The following KLHL5 variants were observed in gnomAD, a reference collection of about 807,000 sequenced individuals.
KLHL5 encodes kelch-like protein 5.
KLHL5 carries 48 observed loss-of-function variants against 77.7 expected under a neutral mutation model. The ratio of observed to expected loss-of-function variants is 0.62; its 90% CI spans 0.49 to 0.79. The LOEUF is 0.79. Among genes scored for constraint, KLHL5 ranks in the 30% least tolerant of loss-of-function variants. The pLI is 0.00. For missense variants in KLHL5, 723 were observed against 859.7 expected (o/e 0.84, Z 1.99); for synonymous variants, 260 against 297.0 (o/e 0.88, Z 1.28).
chr4:39,109,519 G>A (rs540216155), intron 8 of KLHL5, among the ~76,000 whole-genome samples: 123 of 151,104 alleles, frequency 8.1e-4, no homozygotes, highest in Non-Finnish European at 1.2e-3. Context: ...GGCTGGTCTC[G>A]AACTCCTGAC....
At position 39,113,061 on chromosome 4, in the gene KLHL5, A is replaced by G. The variant is rs764123782; in HGVS notation, c.1730A>G (p.Lys577Arg). 1 of 1,613,842 alleles carries G rather than the reference A, an allele frequency of 6.2e-7. No homozygotes were observed. Among genetic ancestry groups the G allele is most frequent in the Middle Eastern group, 1.7e-4 (1 of 5,928 alleles). The change falls in exon 9 of 11, where the codon AAA becomes AGA. Residue 577 changes from lysine (K) to arginine (R), a missense_variant. Physicochemically the swap from Lys to Arg is conservative, Grantham distance 26. This residue lies in a region of KLHL5 where 214 missense variants were observed against 237.4 expected (regional missense o/e 0.90). Transcript: ENST00000504108. ...GGTCGTGATGGAAGTTCTTGTCTCA[A>G]ATCAGTAGAATGTTTTGATCCTCAT... ...VGGRDGSSCL[K>R]SVECFDPHTN... is the part of the protein sequence containing the mutation.
At chr4:39,059,409 C>A (rs528179016), upstream of KLHL5, among the ~76,000 whole-genome samples, 71 of 152,096 alleles carry the variant, frequency 4.7e-4, no homozygotes, top group African/African-American at 1.6e-3. Context: ...TAAAGGAAAA[C>A]CAAATGGGAT....
At position 39,062,413 on chromosome 4, in the gene KLHL5, G is replaced by A. The variant is rs180800515; in HGVS notation, c.-240G>A. The A allele has an allele frequency of 2.3e-4, 345 of 1,483,430 alleles. No homozygotes were observed. The highest frequency in any genetic ancestry group is 3.1e-4 in the South Asian group (22 of 71,384). The allele number at this position is 1,483,430 out of a possible 1,614,324, so 91.9% of individuals were successfully genotyped here. On this transcript the variant is annotated 5_prime_UTR_variant, in exon 1 of 11. Transcript: ENST00000504108. ...CTTCAGGATAGGTGGATGAGAGTTTGCTCTGATTGAACGGAATGTTCCACC... is the reference window on the plus strand; with the variant it reads ...CTTCAGGATAGGTGGATGAGAGTTTACTCTGATTGAACGGAATGTTCCACC...
At chr4:39,136,420 A>G in the KLHL5 span, among the ~76,000 whole-genome samples, 1 of 152,182 alleles carries the variant, frequency 6.6e-6, no homozygotes, top group East Asian at 1.9e-4. Flanking sequence ...TCAGCCTCCC[A>G]AAGTGCTGCG....
intron 1 of KLHL5, among the ~76,000 whole-genome samples, chr4:39,070,965 A>G (rs1431671962): frequency 1.3e-5 from 2 of 152,164 alleles, no homozygotes; most frequent in Admixed American, 1.3e-4. Flanking sequence ...TCCAGTAGCA[A>G]TTATACTCCA....
At chr4:39,071,108 C>A (rs1285444748) in intron 1 of KLHL5, among the ~76,000 whole-genome samples, 2 of 151,954 alleles carry the variant, frequency 1.3e-5, no homozygotes, top group Non-Finnish European at 2.9e-5. Flanking sequence ...GTGTCTATAT[C>A]TTTTATAAAT....
intron 1 of KLHL5, among the ~76,000 whole-genome samples, chr4:39,067,033 A>C (rs1195334574): frequency 1.3e-5 from 2 of 152,246 alleles, no homozygotes; most frequent in African/African-American, 4.8e-5. Context: ...AATATGGTGC[A>C]TGGGTTATAG....
chr4:39,137,379 G>T, the KLHL5 span, among the ~76,000 whole-genome samples: 1 of 151,550 alleles, frequency 6.6e-6, no homozygotes, highest in East Asian at 1.9e-4. Flanking sequence ...CTTCACTTTG[G>T]GAGGCCAAAG....
chr4:39,114,270 A>G (rs1199366723), intron 9 of KLHL5, among the ~76,000 whole-genome samples: 1 of 152,170 alleles, frequency 6.6e-6, no homozygotes, highest in African/African-American at 2.4e-5. Context: ...GTGTGATAAC[A>G]TGTTGGAGAA....
At chr4:39,095,920 G>T (rs1038787824) in intron 5 of KLHL5, among the ~76,000 whole-genome samples, 3 of 151,758 alleles carry the variant, frequency 2.0e-5, no homozygotes, top group African/African-American at 7.3e-5. Flanking sequence ...GTCAGCAGAG[G>T]TTTGCATAAA....
At chr4:39,139,456 T>C in the KLHL5 span, among the ~76,000 whole-genome samples, 1 of 152,216 alleles carries the variant, frequency 6.6e-6, no homozygotes, top group South Asian at 2.1e-4. Context: ...TGTATGACAC[T>C]ATAATTATGG....
chr4:39,139,010 G>A, the KLHL5 span, among the ~76,000 whole-genome samples: 1 of 152,116 alleles, frequency 6.6e-6, no homozygotes, highest in African/African-American at 2.4e-5. Context: ...AGCTGGGCGT[G>A]GTGGCTCACG....
At chr4:39,075,872 T>C (rs1290913780) in intron 1 of KLHL5, 93 bp from the exon 2 acceptor site, 4 of 985,852 alleles carry the variant, frequency 4.1e-6, no homozygotes, top group Non-Finnish European at 6.1e-6. Context: ...TGATTTCTTC[T>C]ATTACATTTG....
At chr4:39,068,437 C>CTGTGTGTGTG (rs71192818) in intron 1 of KLHL5, among the ~76,000 whole-genome samples, 11,613 of 147,872 alleles carry the variant, frequency 0.079, 482 homozygotes, top group Non-Finnish European at 0.099. Context: ...CCAGAAAACA[C>CTGTGTGTGTG]TGTGTGTGTG....
In KLHL5 at chr4:39,103,372, T is replaced by A. The variant is rs561588040; in HGVS notation, c.1386T>A (p.Gly462=). The change falls in exon 7 of 11, where the codon GGT becomes GGA. Residue 462 remains glycine, a synonymous_variant. Coordinates refer to ENST00000504108, the MANE Select transcript of KLHL5 (RefSeq NM_015990.5). ...ANMNGRRLQF[G]VAVLDDKLYV... ...TGAATGGGAGGAGGCTACAGTTCGG[T>A]GTTGCAGTGCTAGATGACAAACTGT... The A allele has an allele frequency of 1.2e-6, 2 of 1,614,118 alleles. No homozygotes were observed. The highest frequency in any genetic ancestry group is 2.7e-5 in the African/African-American group (2 of 75,038).
At chr4:39,061,213 T>C (rs1717387560), upstream of KLHL5, among the ~76,000 whole-genome samples, 1 of 152,226 alleles carries the variant, frequency 6.6e-6, no homozygotes. Flanking sequence ...TTCTCATTCT[T>C]GTTTCTCTGA....
At chr4:39,133,012 A>G in the KLHL5 span, among the ~76,000 whole-genome samples, 4 of 152,202 alleles carry the variant, frequency 2.6e-5, no homozygotes, top group East Asian at 7.7e-4. Context: ...TCAAAACCAC[A>G]GTCCATCCAC....
rs1721099986 is a variant in KLHL5 at position 39,096,728 on chromosome 4, G to A, written c.1150G>A (p.Asp384Asn). Reference sequence around the variant, plus strand: ...CATGGAAAATAATGTACTTTTTCGGGATGATATAGAATGTCAGAAACTCAT... The same window carrying A: ...CATGGAAAATAATGTACTTTTTCGGAATGATATAGAATGTCAGAAACTCAT... ...ADMENNVLFR[D>N]DIECQKLIME... is the part of the protein sequence containing the mutation. The change falls in exon 6 of 11, where the codon GAT becomes AAT. Residue 384 changes from aspartate (D) to asparagine (N), a missense_variant. Physicochemically the swap from Asp to Asn is conservative, Grantham distance 23 (BLOSUM62 1). Coordinates refer to ENST00000504108, the MANE Select transcript of KLHL5 (RefSeq NM_015990.5). 4 of 1,612,756 alleles carry A rather than the reference G, an allele frequency of 2.5e-6. No individual in the cohort carries two copies. The highest frequency in any genetic ancestry group is 3.4e-6 in the Non-Finnish European group (4 of 1,179,060).
At chr4:39,067,370 A>G (rs1438780524) in intron 1 of KLHL5, among the ~76,000 whole-genome samples, 3 of 152,148 alleles carry the variant, frequency 2.0e-5, no homozygotes, top group African/African-American at 7.2e-5. Context: ...TTTTTTTCAC[A>G]TCATATCAAA....
Sources: gnomAD v4.1 joint callset for allele counts (sites outside exome capture counted in the v4.1 genomes callset) on GRCh38, gnomAD v4.1.1 for gene constraint, gnomAD v4.1.1 regional missense constraint, MANE v1.5 for transcripts, NCBI Gene and HGNC (gene_info 2026-07-23, HGNC 2026-07-21) for gene names.